The following CTNNB1 variants were observed in gnomAD, a reference collection of about 807,000 sequenced individuals.
The protein encoded by CTNNB1 is catenin beta-1.
CTNNB1 carries 6 observed loss-of-function variants against 82.5 expected under a neutral mutation model. That is an observed-to-expected ratio of 0.07 (90% CI 0.04 to 0.14). The LOEUF is 0.14. Ranked by LOEUF, CTNNB1 falls within the 10% of genes least tolerant of loss-of-function variation. The probability of loss-of-function intolerance (pLI) is 1.00; values close to 1 mark genes in which losing one functional copy is unlikely to be tolerated. For synonymous variants in CTNNB1, 312 were observed against 329.7 expected (o/e 0.95, Z 0.58); for missense variants, 529 against 980.4 (o/e 0.54, Z 6.15).
intron 1 of CTNNB1, among the ~76,000 whole-genome samples, chr3:41,210,778 A>G (rs117812794): frequency 1.3e-5 from 2 of 152,156 alleles, no homozygotes; most frequent in East Asian, 1.9e-4. Context: ...TGTACTGGAC[A>G]TAACTGTATA....
intron 1 of CTNNB1, among the ~76,000 whole-genome samples, chr3:41,201,987 G>T (rs2077542705): frequency 6.6e-6 from 1 of 152,100 alleles, no homozygotes; most frequent in Non-Finnish European, 1.5e-5. Flanking sequence ...TTTGAAATGT[G>T]TTAGCAAAAC....
chr3:41,206,685 G>C (rs2077655660), intron 1 of CTNNB1, among the ~76,000 whole-genome samples: 1 of 151,832 alleles, frequency 6.6e-6, no homozygotes, highest in African/African-American at 2.4e-5. Flanking sequence ...AAGGGTGTAG[G>C]GAGTGAGTGT....
At chr3:41,213,432 A>G (rs999917680) in intron 1 of CTNNB1, among the ~76,000 whole-genome samples, 1 of 152,118 alleles carries the variant, frequency 6.6e-6, no homozygotes, top group Non-Finnish European at 1.5e-5. Context: ...TTAGTTACAT[A>G]CTTTTTTGTA....
Position 41,240,414 on chromosome 3 carries a change from A to G in CTNNB1, c.*1072A>G, listed in dbSNP as rs1183291065. The G allele has an allele frequency of 5.5e-6, 1 of 180,946 alleles. No individual in the cohort carries two copies. The highest frequency in any genetic ancestry group is 2.4e-5 in the African/African-American group (1 of 42,430). The allele number at this position is 180,946 out of a possible 1,614,324, so 11.2% of individuals were successfully genotyped here. On this transcript the variant is annotated 3_prime_UTR_variant, in exon 15 of 15. Transcript: ENST00000349496. ...TCAAGAGAAAATGCGGTTATAAAAA[A>G]TGGTTCAGAATTAAACTTTTAATTC...
chr3:41,238,160 G>C, intron 14 of CTNNB1, 84 bp downstream of exon 14: 1 of 1,232,282 alleles, frequency 8.1e-7, no homozygotes, highest in Non-Finnish European at 1.2e-6. Flanking sequence ...TGCTCATCTG[G>C]GAAACCAGTG....
intron 13 of CTNNB1, chr3:41,237,696 C>CCT: frequency 4.7e-6 from 1 of 210,852 alleles, no homozygotes; most frequent in South Asian, 7.3e-5. Context: ...AGGCATTTTG[C>CCT]CTTTTTTTTT....
At chr3:41,239,017 C>G in intron 14 of CTNNB1, 117 bp from the exon 15 acceptor site, 1 of 885,218 alleles carries the variant, frequency 1.1e-6, no homozygotes, top group South Asian at 1.4e-5. Flanking sequence ...TGTTTTCTGA[C>G]AAGTTTGCTG....
intron 13 of CTNNB1, chr3:41,237,589 CTCTGTCTTA>C (rs1208730496): frequency 6.1e-6 from 1 of 162,984 alleles, no homozygotes; most frequent in Non-Finnish European, 1.3e-5. Flanking sequence ...TCACTGTCTT[CTCTGTCTTA>C]GTTAATGTCA....
At chr3:41,226,175 G>A (rs2078172080) in intron 6 of CTNNB1, among the ~76,000 whole-genome samples, 1 of 152,124 alleles carries the variant, frequency 6.6e-6, no homozygotes, top group Admixed American at 6.5e-5. Context: ...GGTAATGCTC[G>A]CTCACCTGCC....
At chr3:41,236,950 G>A in intron 13 of CTNNB1, 1 of 597,220 alleles carries the variant, frequency 1.7e-6, no homozygotes, top group Non-Finnish European at 2.9e-6. Flanking sequence ...TCATAAGGGA[G>A]AAAGATGAAA....
intron 1 of CTNNB1, among the ~76,000 whole-genome samples, chr3:41,201,926 T>C (rs2077540948): frequency 6.6e-6 from 1 of 152,142 alleles, no homozygotes; most frequent in Non-Finnish European, 1.5e-5. Flanking sequence ...CTTGTTTTAA[T>C]AACACCACCA....
At chr3:41,222,064 AG>A (rs952484067) in intron 1 of CTNNB1, 2 of 152,076 alleles carry the variant, frequency 1.3e-5, no homozygotes, top group Non-Finnish European at 2.9e-5. Flanking sequence ...CTATGGAGTC[AG>A]TTTTTTCGTT....
intron 1 of CTNNB1, chr3:41,211,187 C>T (rs964022580): frequency 9.9e-6 from 4 of 403,634 alleles, no homozygotes; most frequent in Admixed American, 2.7e-5. Context: ...CATTGTGCTG[C>T]GACGTTAACG....
chr3:41,236,793 A>T (rs2125647970), intron 13 of CTNNB1, 84 bp downstream of exon 13: 1 of 1,560,682 alleles, frequency 6.4e-7, no homozygotes, highest in Non-Finnish European at 8.8e-7. Context: ...AACACTTAGT[A>T]CACATTCATT....
At chr3:41,231,103 G>A (rs1455851189) in intron 7 of CTNNB1, among the ~76,000 whole-genome samples, 2 of 152,030 alleles carry the variant, frequency 1.3e-5, no homozygotes, top group East Asian at 1.9e-4. Context: ...TGAGGTGGGC[G>A]GATCATGAGG....
chr3:41,212,216 T>G (rs2125596750), intron 1 of CTNNB1, among the ~76,000 whole-genome samples: 1 of 152,338 alleles, frequency 6.6e-6, no homozygotes, highest in Non-Finnish European at 1.5e-5. Flanking sequence ...TTTACCCCTT[T>G]GAGGGTCCTT....
chr3:41,221,767 C>G (rs947287302), intron 1 of CTNNB1: 1 of 152,122 alleles, frequency 6.6e-6, no homozygotes. Flanking sequence ...TTTTTAAGCA[C>G]TCCTCCCTCT....
chr3:41,216,101 C>T (rs572123326), intron 1 of CTNNB1, among the ~76,000 whole-genome samples: 4 of 152,184 alleles, frequency 2.6e-5, no homozygotes, highest in Non-Finnish European at 4.4e-5. Flanking sequence ...TTTAACTGAA[C>T]GGTTTATTAG....
chr3:41,212,960 A>G (rs1358323860), intron 1 of CTNNB1, among the ~76,000 whole-genome samples: 1 of 152,164 alleles, frequency 6.6e-6, no homozygotes, highest in African/African-American at 2.4e-5. Context: ...GCTGCCTTAC[A>G]GGTTTCCCTT....
Sources: gnomAD v4.1 joint callset for allele counts (sites outside exome capture counted in the v4.1 genomes callset) on GRCh38, gnomAD v4.1.1 for gene constraint, MANE v1.5 for transcripts, NCBI Gene and HGNC (gene_info 2026-07-23, HGNC 2026-07-21) for gene names.